The following CAMKV variants were observed in gnomAD, a reference collection of about 807,000 sequenced individuals.
CAMKV encodes the protein CaM kinase like vesicle associated, also known as caM kinase-like vesicle-associated protein.
In CAMKV, 5 loss-of-function variants were observed where a neutral mutation model predicts 50.2. The observed-to-expected ratio is 0.10, with a 90% CI of 0.05 to 0.21. CAMKV has a LOEUF of 0.21. Ranked by LOEUF, CAMKV falls within the 10% of genes least tolerant of loss-of-function variation. The pLI, the probability that CAMKV is intolerant of heterozygous loss-of-function variation, is 1.00. For missense variants in CAMKV, 361 were observed against 650.5 expected (o/e 0.55, Z 4.84); for synonymous variants, 229 against 250.1 (o/e 0.92, Z 0.80).
rs572803336 is a variant in CAMKV at position 49,861,692 on chromosome 3, C to A, written c.302+99G>T. ...CTGAGCAAGGCACAGGGACCTGGGA[C>A]GCCAAGGGTCCAGAAAGGGGGTTTC... On this transcript the variant is annotated intron_variant, in intron 4 of 10. Coordinates refer to ENST00000477224, the MANE Select transcript of CAMKV (RefSeq NM_024046.5). The surrounding 1 kb of genome is among the most constrained non-coding windows in gnomAD (Gnocchi z 7.7). 6 of 1,590,980 alleles carry A rather than the reference C, an allele frequency of 3.8e-6. No homozygotes were observed. In the East Asian group the frequency reaches 1.3e-4, roughly 36 times the overall value.
chr3:49,862,299 G>A lies in CAMKV; in HGVS notation c.90C>T (p.Ile30=). The A allele has an allele frequency of 6.2e-7, 1 of 1,614,196 alleles. No homozygotes were observed. ...VTDRYDLGQV[I]KTEEFCEIFR... ...CTGACAGGCCCGGCACTCACGTCTT[G>A]ATGACCTGTCCCAAATCATATCTGT... is the stretch of plus-strand genomic sequence containing the variant. Residue 30 remains isoleucine (I), a synonymous_variant, in exon 2 of 11, where the codon ATC becomes ATT. Coordinates refer to ENST00000477224, the MANE Select transcript of CAMKV (RefSeq NM_024046.5). This position sits in a 1 kb window ranked among gnomAD's most constrained non-coding sequence, Gnocchi z 5.2.
chr3:49,864,912 A>T (rs1468304716), intron 1 of CAMKV, among the ~76,000 whole-genome samples: 2 of 152,122 alleles, frequency 1.3e-5, no homozygotes, highest in Non-Finnish European at 2.9e-5. Flanking sequence ...CCCATAGCCA[A>T]CCCTGGCTGC....
chr3:49,869,546 C>T lies in CAMKV; in HGVS notation c.-15+212G>A, dbSNP rs943095770. Reference sequence around the variant, plus strand: ...GCCGCAGAAGCTTCCCCCCAGAACCCCCAAGCCGTCCGAGGTAATGGGGAA... The same window carrying T: ...GCCGCAGAAGCTTCCCCCCAGAACCTCCAAGCCGTCCGAGGTAATGGGGAA... On this transcript the variant is annotated intron_variant, in intron 1 of 10. Transcript: ENST00000477224. The surrounding 1 kb of genome is among the most constrained non-coding windows in gnomAD (Gnocchi z 5.2). Among the ~76,000 whole-genome samples, 4 of 152,138 alleles carry T rather than the reference C, an allele frequency of 2.6e-5. No individual in the cohort carries two copies. The highest frequency in any genetic ancestry group is 2.1e-4 in the South Asian group (1 of 4,830).
Position 49,861,041 on chromosome 3 carries a change from C to G in CAMKV, c.563-23G>C. 1 of 1,613,920 alleles carries G rather than the reference C, an allele frequency of 6.2e-7. No homozygotes were observed. Among genetic ancestry groups the G allele is most frequent in the Non-Finnish European group, 8.5e-7 (1 of 1,179,942 alleles). On this transcript the variant is annotated intron_variant, in intron 6 of 10. Coordinates refer to ENST00000477224, the MANE Select transcript of CAMKV (RefSeq NM_024046.5). The surrounding 1 kb of genome is among the most constrained non-coding windows in gnomAD (Gnocchi z 7.7). ...GGGCTACAAACACAGCGCCCATCTGCTGGTCAGTATCAGGCCTAGCCAGGT... is the reference window on the plus strand; with the variant it reads ...GGGCTACAAACACAGCGCCCATCTGGTGGTCAGTATCAGGCCTAGCCAGGT...
chr3:49,861,702 C>A lies in CAMKV; in HGVS notation c.302+89G>T. 1 of 1,593,270 alleles carries A rather than the reference C, an allele frequency of 6.3e-7. No homozygotes were observed. Among genetic ancestry groups the A allele is most frequent in the South Asian group, 1.1e-5 (1 of 90,186 alleles). ...CACAGGGACCTGGGACGCCAAGGGT[C>A]CAGAAAGGGGGTTTCCTTAGCTGCA... On this transcript the variant is annotated intron_variant, in intron 4 of 10. Transcript: ENST00000477224. This position sits in a 1 kb window ranked among gnomAD's most constrained non-coding sequence, Gnocchi z 7.7.
In CAMKV at chr3:49,859,369, C is replaced by T. The variant is rs2082001265; in HGVS notation, c.1455G>A (p.Gly485=). Residue 485 remains glycine (G), a synonymous_variant, in exon 11 of 11, where the codon GGG becomes GGA. Coordinates refer to ENST00000477224, the MANE Select transcript of CAMKV (RefSeq NM_024046.5). The surrounding 1 kb of genome is among the most constrained non-coding windows in gnomAD (Gnocchi z 5.5). ...ATGQAPPSSK[G]EEAAGYAQES... is the part of the protein sequence containing the mutation. Reference sequence around the variant, plus strand: ...CCTGGGCATAACCAGCAGCCTCTTCCCCTTTACTAGAGGGTGGAGCCTGGC... The same window carrying T: ...CCTGGGCATAACCAGCAGCCTCTTCTCCTTTACTAGAGGGTGGAGCCTGGC... 1 of 1,563,134 alleles carries T rather than the reference C, an allele frequency of 6.4e-7. No homozygotes were observed. Among genetic ancestry groups the T allele is most frequent in the African/African-American group, 1.4e-5 (1 of 73,808 alleles).
In CAMKV at chr3:49,859,403, C is replaced by T; in HGVS notation, c.1421G>A (p.Gly474Asp). Reference protein sequence around the residue: ...MAQPDSTAPEGATGQAPPSSK... With the variant: ...MAQPDSTAPEDATGQAPPSSK... ...AGAGGGTGGAGCCTGGCCTGTGGCGCCCTCTGGGGCTGTGCTGTCCGGCTG... is the reference window on the plus strand; with the variant it reads ...AGAGGGTGGAGCCTGGCCTGTGGCGTCCTCTGGGGCTGTGCTGTCCGGCTG... The change falls in exon 11 of 11, where the codon GGC (glycine) becomes GAC (aspartate). Residue 474 changes from glycine to aspartate, a missense_variant. Physicochemically the swap from Gly to Asp is moderately conservative, Grantham distance 94. Around this residue, in one of 4 missense-constraint regions of CAMKV, gnomAD observed 75 missense variants for 84.2 expected, o/e 0.89. Transcript: ENST00000477224. The surrounding 1 kb of genome is among the most constrained non-coding windows in gnomAD (Gnocchi z 5.5). 1 of 1,600,858 alleles carries T rather than the reference C, an allele frequency of 6.2e-7. No homozygotes were observed. Among genetic ancestry groups the T allele is most frequent in the Non-Finnish European group, 8.5e-7 (1 of 1,171,064 alleles).
At position 49,860,790 on chromosome 3, in the gene CAMKV, T is replaced by C; in HGVS notation, c.701A>G (p.Lys234Arg). Residue 234 changes from lysine (K) to arginine (R), a missense_variant, in exon 8 of 11, where the codon AAG (lysine) becomes AGG (arginine). Physicochemically the swap from Lys to Arg is conservative, Grantham distance 26. This residue lies in a region of CAMKV where 172 missense variants were observed against 414.3 expected (regional missense o/e 0.42). Transcript: ENST00000477224. This position sits in a 1 kb window ranked among gnomAD's most constrained non-coding sequence, Gnocchi z 6.1. ...AGCCAGGATCTTGCGGAAGAGATTC[T>C]TATCATGGTTCTCATAATCATCTTC... is the stretch of plus-strand genomic sequence containing the variant. ...VEEDDYENHD[K>R]NLFRKILAGD... 10 of 1,614,112 alleles carry C rather than the reference T, an allele frequency of 6.2e-6. No individual in the cohort carries two copies. The highest frequency in any genetic ancestry group is 8.5e-6 in the Non-Finnish European group (10 of 1,180,018).
intron 1 of CAMKV, among the ~76,000 whole-genome samples, chr3:49,868,618 G>A (rs547241160): frequency 6.6e-6 from 1 of 152,328 alleles, no homozygotes; most frequent in African/African-American, 2.4e-5. Flanking sequence ...AGAAAAGGGA[G>A]ACCCTTGCCC....
At chr3:49,865,282 C>T (rs532437756) in intron 1 of CAMKV, among the ~76,000 whole-genome samples, 3 of 152,266 alleles carry the variant, frequency 2.0e-5, no homozygotes, top group Admixed American at 6.5e-5. Context: ...GCCGGCTACA[C>T]ATTTTCACAC....
chr3:49,859,242 A>C lies in CAMKV; in HGVS notation c.*76T>G. On this transcript the variant is annotated 3_prime_UTR_variant, in exon 11 of 11. Transcript: ENST00000477224. The surrounding 1 kb of genome is among the most constrained non-coding windows in gnomAD (Gnocchi z 5.5). Reference sequence around the variant, plus strand: ...GCGAGGGCATCATGCCAGTGACTCTATGTACAGTGAGAAGCCCCTCATCCA... The same window carrying C: ...GCGAGGGCATCATGCCAGTGACTCTCTGTACAGTGAGAAGCCCCTCATCCA... 1.5e-6 allele frequency: 2 copies of C among 1,292,648 alleles called. No homozygotes were observed. The highest frequency in any genetic ancestry group is 1.1e-6 in the Non-Finnish European group (1 of 944,668). The allele number at this position is 1,292,648 out of a possible 1,614,324, so 80.1% of individuals were successfully genotyped here. A position where few individuals can be genotyped will look rare whatever the true frequency, so the allele number is the denominator to read the frequency against.
rs2082011166 is a variant in CAMKV, at chr3:49,860,441, C to A, written c.854+30G>T. On this transcript the variant is annotated intron_variant, in intron 9 of 10. Coordinates refer to ENST00000477224, the MANE Select transcript of CAMKV (RefSeq NM_024046.5). The surrounding 1 kb of genome is among the most constrained non-coding windows in gnomAD (Gnocchi z 6.1). ...TGCTGGGTGTGAGGGGGACCCTGGC[C>A]TCTCCCACCCTCCCCTGGACCCTGC... 2 of 1,608,024 alleles carry A rather than the reference C, an allele frequency of 1.2e-6. No individual in the cohort carries two copies. Among genetic ancestry groups the A allele is most frequent in the East Asian group, 2.2e-5 (1 of 44,698 alleles).
chr3:49,869,532 T>C lies in CAMKV; in HGVS notation c.-15+226A>G, dbSNP rs1446075574. ...TTTCACAATTCCGAGCCGCAGAAGC[T>C]TCCCCCCAGAACCCCCAAGCCGTCC... On this transcript the variant is annotated intron_variant, in intron 1 of 10. Transcript: ENST00000477224. The surrounding 1 kb of genome is among the most constrained non-coding windows in gnomAD (Gnocchi z 5.2). Among the ~76,000 whole-genome samples, 1 of 151,996 alleles carries C rather than the reference T, an allele frequency of 6.6e-6. No individual in the cohort carries two copies. Among genetic ancestry groups the C allele is most frequent in the Non-Finnish European group, 1.5e-5 (1 of 67,990 alleles).
In CAMKV at chr3:49,859,971, C is replaced by A; in HGVS notation, c.943-90G>T. ...CCAAACCAAACTCCTTCCATAGTAC[C>A]CCCGGCCACCTCCATCCACCCCAGG... On this transcript the variant is annotated intron_variant, in intron 10 of 10. Transcript: ENST00000477224. This position sits in a 1 kb window ranked among gnomAD's most constrained non-coding sequence, Gnocchi z 5.5. The A allele has an allele frequency of 7.8e-7, 1 of 1,274,428 alleles. No homozygotes were observed. Among genetic ancestry groups the A allele is most frequent in the Non-Finnish European group, 1.1e-6 (1 of 940,858 alleles). The allele number at this position is 1,274,428 out of a possible 1,614,324, so 78.9% of individuals were successfully genotyped here. A position where few individuals can be genotyped will look rare whatever the true frequency, so the allele number is the denominator to read the frequency against.
At position 49,859,368 on chromosome 3, in the gene CAMKV, C is replaced by T. The variant is rs777466315; in HGVS notation, c.1456G>A (p.Glu486Lys). The stretch of plus-strand genomic sequence containing the variant: ...TCCTGGGCATAACCAGCAGCCTCTT[C>T]CCCTTTACTAGAGGGTGGAGCCTGG... ...TGQAPPSSKG[E>K]EAAGYAQESQ... Residue 486 changes from glutamate to lysine, a missense_variant, in exon 11 of 11, where the codon GAA becomes AAA. This residue lies in a region of CAMKV where 75 missense variants were observed against 84.2 expected (regional missense o/e 0.89). Coordinates refer to ENST00000477224, the MANE Select transcript of CAMKV (RefSeq NM_024046.5). The surrounding 1 kb of genome is among the most constrained non-coding windows in gnomAD (Gnocchi z 5.5). 3 of 1,562,176 alleles carry T rather than the reference C, an allele frequency of 1.9e-6. No homozygotes were observed. Among genetic ancestry groups the T allele is most frequent in the Non-Finnish European group, 2.6e-6 (3 of 1,151,932 alleles).
chr3:49,865,205 TG>T (rs2082054701), intron 1 of CAMKV, among the ~76,000 whole-genome samples: 1 of 152,186 alleles, frequency 6.6e-6, no homozygotes, highest in East Asian at 1.9e-4. Context: ...ACTCCTCCAC[TG>T]GGGAGAAGCA....
chr3:49,859,423 C>G lies in CAMKV; in HGVS notation c.1401G>C (p.Pro467=). ...AATPEPAMAQ[P]DSTAPEGATG... ...TGGCGCCCTCTGGGGCTGTGCTGTC[C>G]GGCTGGGCCATAGCCGGCTCAGGGG... Residue 467 remains proline (P), a synonymous_variant, in exon 11 of 11, where the codon CCG becomes CCC. Coordinates refer to ENST00000477224, the MANE Select transcript of CAMKV (RefSeq NM_024046.5). The surrounding 1 kb of genome is among the most constrained non-coding windows in gnomAD (Gnocchi z 5.5). 1 of 1,611,732 alleles carries G rather than the reference C, an allele frequency of 6.2e-7. No individual in the cohort carries two copies. Among genetic ancestry groups the G allele is most frequent in the African/African-American group, 1.3e-5 (1 of 75,030 alleles).
At position 49,859,997 on chromosome 3, in the gene CAMKV, G is replaced by T; in HGVS notation, c.943-116C>A. 3 of 1,107,046 alleles carry T rather than the reference G, an allele frequency of 2.7e-6. No individual in the cohort carries two copies. The highest frequency in any genetic ancestry group is 3.8e-6 in the Non-Finnish European group (3 of 783,848). 68.6% of individuals were successfully genotyped at this position (1,107,046 alleles called of 1,614,324 possible). A position where few individuals can be genotyped will look rare whatever the true frequency, so the allele number is the denominator to read the frequency against. Reference sequence around the variant, plus strand: ...CCCGGCCACCTCCATCCACCCCAGGGCCAAGTACTCAGCTGCTCAGCACTC... The same window carrying T: ...CCCGGCCACCTCCATCCACCCCAGGTCCAAGTACTCAGCTGCTCAGCACTC... On this transcript the variant is annotated intron_variant, in intron 10 of 10. Transcript: ENST00000477224. The surrounding 1 kb of genome is among the most constrained non-coding windows in gnomAD (Gnocchi z 5.5).
intron 1 of CAMKV, among the ~76,000 whole-genome samples, chr3:49,868,879 G>A (rs951516041): frequency 6.6e-6 from 1 of 152,210 alleles, no homozygotes; most frequent in African/African-American, 2.4e-5. Context: ...GAAGGAACCT[G>A]GTGGAGCAGG....
Sources: allele counts gnomAD v4.1 joint callset (sites outside exome capture counted in the v4.1 genomes callset), GRCh38; gene constraint gnomAD v4.1.1; regional missense constraint gnomAD v4.1.1; non-coding constraint Gnocchi (gnomAD v3.1); transcripts MANE v1.5; gene names NCBI Gene and HGNC (gene_info 2026-07-23, HGNC 2026-07-21).